DIAPH3: variants seen among roughly 807,000 people sequenced by gnomAD.
DIAPH3 encodes the protein diaphanous related formin 3.
Under a neutral mutation model 144.3 loss-of-function variants are expected in DIAPH3, and 117 were observed. The ratio of observed to expected loss-of-function variants is 0.81; its 90% CI spans 0.70 to 0.95. The LOEUF (loss-of-function observed/expected upper bound fraction) is 0.95. Ranked by LOEUF, DIAPH3 falls within the 40% of genes least tolerant of loss-of-function variation. The pLI is 0.00. For synonymous variants in DIAPH3, 519 were observed against 488.9 expected (o/e 1.06, Z -0.81); for missense variants, 1,421 against 1,412.7 (o/e 1.01, Z -0.09).
At chr13:59,813,606 A>C (rs1227846372) in intron 24 of DIAPH3, among the ~76,000 whole-genome samples, 1 of 152,196 alleles carries the variant, frequency 6.6e-6, no homozygotes, top group East Asian at 1.9e-4. Flanking sequence ...CTGTAATCCC[A>C]GCACTTTCGG....
chr13:59,818,917 GTTAC>G (rs1161344582), intron 24 of DIAPH3, among the ~76,000 whole-genome samples: 1 of 151,340 alleles, frequency 6.6e-6, no homozygotes, highest in African/African-American at 2.4e-5. Flanking sequence ...GTATTCTCCT[GTTAC>G]TTTTTCTCTT....
intron 20 of DIAPH3, among the ~76,000 whole-genome samples, chr13:59,897,836 A>G (rs968602759): frequency 2.0e-5 from 3 of 150,620 alleles, no homozygotes; most frequent in Admixed American, 6.6e-5. Context: ...GTAAAATAAA[A>G]ATAAGAGAAT....
chr13:59,674,898 T>G (rs771718636), intron 27 of DIAPH3, among the ~76,000 whole-genome samples: 1 of 152,154 alleles, frequency 6.6e-6, no homozygotes, highest in Non-Finnish European at 1.5e-5. Context: ...ATTTCTAAAG[T>G]GTGTAATGGC....
chr13:59,783,797 C>T (rs887697207), intron 25 of DIAPH3, among the ~76,000 whole-genome samples: 2 of 152,106 alleles, frequency 1.3e-5, no homozygotes, highest in Non-Finnish European at 2.9e-5. Flanking sequence ...GTGCCTGGCT[C>T]ATATTAAGAG....
chr13:59,955,975 T>C (rs1162756751), intron 17 of DIAPH3, among the ~76,000 whole-genome samples: 2 of 152,076 alleles, frequency 1.3e-5, no homozygotes, highest in African/African-American at 4.8e-5. Flanking sequence ...GTGGAAGAAA[T>C]TTCCAAGCAG....
chr13:59,768,283 A>T (rs1230589784), intron 27 of DIAPH3, among the ~76,000 whole-genome samples: 1 of 152,074 alleles, frequency 6.6e-6, no homozygotes, highest in Non-Finnish European at 1.5e-5. Context: ...AACAAAAAAT[A>T]CTCTCAAAAA....
intron 25 of DIAPH3, among the ~76,000 whole-genome samples, chr13:59,780,692 A>G (rs1471619379): frequency 1.3e-5 from 2 of 152,194 alleles, no homozygotes; most frequent in African/African-American, 4.8e-5. Flanking sequence ...TAGGAACCGA[A>G]AGAAGGCGGA....
At chr13:59,794,690 A>G (rs1485271293) in intron 25 of DIAPH3, among the ~76,000 whole-genome samples, 1 of 152,036 alleles carries the variant, frequency 6.6e-6, no homozygotes, top group African/African-American at 2.4e-5. Flanking sequence ...ATTTATTTTT[A>G]TCGAGGCAGG....
At chr13:60,018,084 G>A (rs1467879003) in intron 5 of DIAPH3, among the ~76,000 whole-genome samples, 1 of 152,160 alleles carries the variant, frequency 6.6e-6, no homozygotes, top group African/African-American at 2.4e-5. Flanking sequence ...TGAGATGCAT[G>A]GAGAGAGACT....
intron 5 of DIAPH3, among the ~76,000 whole-genome samples, chr13:60,027,895 A>C (rs1033772781): frequency 6.6e-6 from 1 of 152,146 alleles, no homozygotes; most frequent in Non-Finnish European, 1.5e-5. Flanking sequence ...GTCACATTTC[A>C]GGCTTTTCAC....
chr13:59,790,035 T>A (rs1400218155), intron 25 of DIAPH3, among the ~76,000 whole-genome samples: 2 of 152,182 alleles, frequency 1.3e-5, no homozygotes, highest in Non-Finnish European at 2.9e-5. Flanking sequence ...GTCTATTGTT[T>A]AATTCAATTC....
chr13:59,772,884 TGGAA>T (rs1460292764), intron 27 of DIAPH3, among the ~76,000 whole-genome samples: 3 of 152,086 alleles, frequency 2.0e-5, no homozygotes, highest in Non-Finnish European at 4.4e-5. Flanking sequence ...CAATAGGAAT[TGGAA>T]CCATATTCTT....
chr13:59,873,683 T>C (rs35492139), intron 21 of DIAPH3, among the ~76,000 whole-genome samples: 10,330 of 149,826 alleles, frequency 0.069, 747 homozygotes, highest in East Asian at 0.39. Flanking sequence ...TTTTCTTTTT[T>C]TTTTTTTTTT....
At chr13:60,006,408 A>C (rs1292709512) in intron 9 of DIAPH3, among the ~76,000 whole-genome samples, 2 of 152,156 alleles carry the variant, frequency 1.3e-5, no homozygotes, top group Non-Finnish European at 2.9e-5. Flanking sequence ...TTTTCATAAA[A>C]CTTTTACTCT....
At chr13:59,791,629 A>G (rs1254068751) in intron 25 of DIAPH3, among the ~76,000 whole-genome samples, 1 of 152,174 alleles carries the variant, frequency 6.6e-6, no homozygotes, top group Non-Finnish European at 1.5e-5. Context: ...ATAACTATTC[A>G]GATCCTTAGG....
chr13:60,023,311 TA>T (rs1181999022), intron 5 of DIAPH3, among the ~76,000 whole-genome samples: 3 of 152,230 alleles, frequency 2.0e-5, no homozygotes, highest in Non-Finnish European at 2.9e-5. Context: ...GTTGTATATT[TA>T]AAGTTGTTCA....
intron 14 of DIAPH3, 39 bp from the exon 15 acceptor site, chr13:59,974,495 G>T: frequency 6.7e-7 from 1 of 1,496,818 alleles, no homozygotes; most frequent in Non-Finnish European, 9.2e-7. Context: ...ACAGGAAGAT[G>T]AAAATGAAAA....
chr13:60,015,203 C>A (rs962554288), intron 7 of DIAPH3, among the ~76,000 whole-genome samples: 1 of 152,060 alleles, frequency 6.6e-6, no homozygotes, highest in African/African-American at 2.4e-5. Context: ...ACTATGTTGC[C>A]CAGGCTGGTC....
intron 9 of DIAPH3, among the ~76,000 whole-genome samples, chr13:59,997,220 C>G (rs2052256417): frequency 6.6e-6 from 1 of 152,062 alleles, no homozygotes; most frequent in African/African-American, 2.4e-5. Context: ...CCCACTCACT[C>G]TTCCCAGACT....
Sources: allele counts gnomAD v4.1 joint callset (sites outside exome capture counted in the v4.1 genomes callset), GRCh38; gene constraint gnomAD v4.1.1; transcripts MANE v1.5; gene names NCBI Gene and HGNC (gene_info 2026-07-23, HGNC 2026-07-21).